The following GRID2 variants were observed in gnomAD, a reference collection of about 807,000 sequenced individuals.
The protein encoded by GRID2 is glutamate ionotropic receptor delta type subunit 2, also known as glutamate receptor ionotropic, delta-2.
A neutral mutation model predicts 114.8 loss-of-function variants in GRID2; 33 were observed. That is an observed-to-expected ratio of 0.29 (90% CI 0.22 to 0.38). The LOEUF (loss-of-function observed/expected upper bound fraction) is 0.38. Ranked by LOEUF, GRID2 falls within the 10% of genes least tolerant of loss-of-function variation. The pLI is 1.00. For synonymous variants in GRID2, 505 were observed against 449.9 expected, an observed-to-expected ratio of 1.12 and a Z score of -1.55; for missense variants, 1,184 against 1,257.7, an observed-to-expected ratio of 0.94 and a Z score of 0.89.
At chr4:92,379,178 A>G (rs1729499313) in intron 1 of GRID2, among the ~76,000 whole-genome samples, 1 of 151,088 alleles carries the variant, frequency 6.6e-6, no homozygotes, top group South Asian at 2.1e-4. Flanking sequence ...TTATTGGCAT[A>G]ATTATATATA....
rs184198299 is a variant in GRID2 at position 92,637,868 on chromosome 4, A to C, written c.244+47582A>C. Among the ~76,000 whole-genome samples the C allele has an allele frequency of 2.5e-4, 38 of 152,142 alleles. No homozygotes were observed. The East Asian group carries it at 7.4e-3, about 30-fold the overall frequency. The stretch of plus-strand genomic sequence containing the variant: ...ATGGACAAGAGTCCATGTTTTCAAA[A>C]GAGAATAGTATCTGGTAATATTATC... On this transcript the variant is annotated intron_variant, in intron 2 of 15. Coordinates refer to ENST00000282020, the MANE Select transcript of GRID2 (RefSeq NM_001510.4).
At chr4:92,890,854 G>T (rs775415459) in intron 2 of GRID2, among the ~76,000 whole-genome samples, 11 of 152,068 alleles carry the variant, frequency 7.2e-5, no homozygotes, top group African/African-American at 2.4e-4. Flanking sequence ...CAAAAACTTG[G>T]AACCAACCAA....
At chr4:93,252,699 G>A (rs1294764553) in intron 8 of GRID2, among the ~76,000 whole-genome samples, 1 of 152,090 alleles carries the variant, frequency 6.6e-6, no homozygotes, top group African/African-American at 2.4e-5. Flanking sequence ...CTATCCATGA[G>A]CATGGAATGT....
intron 13 of GRID2, among the ~76,000 whole-genome samples, chr4:93,580,373 T>G (rs191709782): frequency 1.3e-5 from 2 of 152,338 alleles, no homozygotes; most frequent in Admixed American, 6.5e-5. Flanking sequence ...TACTGATGTG[T>G]TGATGCAATA....
intron 2 of GRID2, among the ~76,000 whole-genome samples, chr4:92,735,724 A>G (rs1031315484): frequency 1.3e-5 from 2 of 152,214 alleles, no homozygotes; most frequent in East Asian, 3.9e-4. Flanking sequence ...TTTTATTTGC[A>G]TGAAACTCAC....
intron 2 of GRID2, among the ~76,000 whole-genome samples, chr4:92,676,918 A>T (rs1733403600): frequency 6.6e-6 from 1 of 152,210 alleles, no homozygotes; most frequent in Non-Finnish European, 1.5e-5. Context: ...TGCTATATGC[A>T]TATAATGCAA....
At chr4:93,618,356 A>T (rs1741902968) in intron 13 of GRID2, among the ~76,000 whole-genome samples, 1 of 151,980 alleles carries the variant, frequency 6.6e-6, no homozygotes, top group South Asian at 2.1e-4. Flanking sequence ...CACTACATGG[A>T]TTATTCTTTT....
chr4:92,690,388 A>C (rs1734127632), intron 2 of GRID2, among the ~76,000 whole-genome samples: 1 of 152,130 alleles, frequency 6.6e-6, no homozygotes. Context: ...TTATTGTCTA[A>C]GTTTGCTGTC....
chr4:93,779,534 G>C (rs1168848386), downstream of GRID2, among the ~76,000 whole-genome samples: 1 of 151,990 alleles, frequency 6.6e-6, no homozygotes, highest in Non-Finnish European at 1.5e-5. Flanking sequence ...TCCAAAGTTG[G>C]AGAAACAAAA....
At chr4:93,736,641 T>C (rs1263117775) in intron 14 of GRID2, among the ~76,000 whole-genome samples, 1 of 152,008 alleles carries the variant, frequency 6.6e-6, no homozygotes, top group African/African-American at 2.4e-5. Context: ...GCTTCTAAAA[T>C]AATAATGGTT....
chr4:92,678,050 T>G (rs1733464629), intron 2 of GRID2, among the ~76,000 whole-genome samples: 1 of 152,098 alleles, frequency 6.6e-6, no homozygotes, highest in African/African-American at 2.4e-5. Flanking sequence ...TTGCACTCAT[T>G]ATGTCCTGTC....
chr4:93,311,352 G>A (rs1341740985), intron 8 of GRID2, among the ~76,000 whole-genome samples: 2 of 152,152 alleles, frequency 1.3e-5, no homozygotes, highest in African/African-American at 2.4e-5. Flanking sequence ...CTTGAATAAT[G>A]AACCATCTGG....
At chr4:92,432,748 AG>A (rs1197733524) in intron 1 of GRID2, among the ~76,000 whole-genome samples, 1 of 152,108 alleles carries the variant, frequency 6.6e-6, no homozygotes, top group African/African-American at 2.4e-5. Context: ...ACTGTGGCTG[AG>A]CTGCTACTCA....
At chr4:93,717,121 C>G (rs1728967745) in intron 14 of GRID2, among the ~76,000 whole-genome samples, 1 of 152,060 alleles carries the variant, frequency 6.6e-6, no homozygotes, top group South Asian at 2.1e-4. Flanking sequence ...CCATCACTTC[C>G]TTTGAAAAGT....
chr4:92,923,169 A>G (rs544394297), intron 2 of GRID2, among the ~76,000 whole-genome samples: 2 of 152,320 alleles, frequency 1.3e-5, no homozygotes, highest in African/African-American at 2.4e-5. Context: ...CTTAATGCAT[A>G]TTGGTTTAAA....
intron 2 of GRID2, among the ~76,000 whole-genome samples, chr4:92,617,901 T>G (rs2149235545): frequency 6.6e-6 from 1 of 151,770 alleles, no homozygotes; most frequent in South Asian, 2.1e-4. Flanking sequence ...GTTTCTTTTA[T>G]AGTCTAGATA....
chr4:92,902,085 T>C (rs779798630), intron 2 of GRID2, among the ~76,000 whole-genome samples: 1 of 152,114 alleles, frequency 6.6e-6, no homozygotes, highest in Non-Finnish European at 1.5e-5. Flanking sequence ...GGTTTTGCCA[T>C]TGAAAGAAAC....
At chr4:93,599,608 A>G (rs1369578104) in intron 13 of GRID2, among the ~76,000 whole-genome samples, 2 of 152,212 alleles carry the variant, frequency 1.3e-5, no homozygotes, top group Non-Finnish European at 2.9e-5. Context: ...ATGTGATTAT[A>G]TACACACAGA....
At chr4:92,385,937 T>C (rs540964879) in intron 1 of GRID2, among the ~76,000 whole-genome samples, 19 of 148,622 alleles carry the variant, frequency 1.3e-4, no homozygotes, top group African/African-American at 4.4e-4. Flanking sequence ...AAATACACAG[T>C]TCATTTGCCC....
Sources: gnomAD v4.1 joint callset for allele counts (sites outside exome capture counted in the v4.1 genomes callset) on GRCh38, gnomAD v4.1.1 for gene constraint, MANE v1.5 for transcripts, NCBI Gene and HGNC (gene_info 2026-07-23, HGNC 2026-07-21) for gene names.